The following SLC60A2 variants were observed in gnomAD, a reference collection of about 807,000 sequenced individuals.
SLC60A2 encodes major facilitator superfamily domain containing 4B.
the SLC60A2 span, among the ~76,000 whole-genome samples, chr6:111,274,432 A>G: frequency 6.6e-6 from 1 of 152,062 alleles, no homozygotes; most frequent in Admixed American, 6.6e-5. Context: ...ACAGTTGGGT[A>G]ATGGGGTTTT....
At chr6:111,269,105 C>G in the SLC60A2 span, 8 of 152,174 alleles carry the variant, frequency 5.3e-5, no homozygotes, top group Admixed American at 4.6e-4. Flanking sequence ...ACCTTATATG[C>G]CTGCCACAGT....
the SLC60A2 span, chr6:111,265,879 G>C: frequency 6.3e-7 from 1 of 1,596,626 alleles, no homozygotes; most frequent in Non-Finnish European, 8.5e-7. Context: ...TCGACAGGTG[G>C]TAACGTCCTT....
At chr6:111,273,121 TTGGTCAGAAAAGATTATATTG>T in the SLC60A2 span, among the ~76,000 whole-genome samples, 2 of 152,156 alleles carry the variant, frequency 1.3e-5, no homozygotes, top group African/African-American at 2.4e-5. Flanking sequence ...TGATTATATT[TTGGTCAGAAAAGATTATATTG>T]TGGTCAGAAA....
At chr6:111,267,826 AGAAATG>A in the SLC60A2 span, 5 of 152,222 alleles carry the variant, frequency 3.3e-5, no homozygotes, top group African/African-American at 1.2e-4. Context: ...GTCTCAAAAA[AGAAATG>A]GAGAGGTATT....
chr6:111,271,882 C>T, the SLC60A2 span, among the ~76,000 whole-genome samples: 1 of 144,314 alleles, frequency 6.9e-6, no homozygotes, highest in Non-Finnish European at 1.5e-5. Context: ...GCACGAGAAT[C>T]ACTTGAACTT....
chr6:111,275,030 C>T, the SLC60A2 span, among the ~76,000 whole-genome samples: 2 of 151,622 alleles, frequency 1.3e-5, no homozygotes, highest in Non-Finnish European at 2.9e-5. Flanking sequence ...TCAAGCAATC[C>T]ACTCACCTCA....
the SLC60A2 span, chr6:111,269,872 A>G: frequency 1.3e-5 from 2 of 152,252 alleles, no homozygotes; most frequent in African/African-American, 4.8e-5. Flanking sequence ...ATCAGTTCTT[A>G]GCTAAGTGTC....
the SLC60A2 span, chr6:111,278,480 T>A: frequency 1.3e-5 from 2 of 152,210 alleles, no homozygotes; most frequent in Admixed American, 6.5e-5. Flanking sequence ...AAATCTCATC[T>A]TGAATTCCCA....
At chr6:111,262,310 G>C in the SLC60A2 span, 1 of 1,614,164 alleles carries the variant, frequency 6.2e-7, no homozygotes, top group Non-Finnish European at 8.5e-7. Flanking sequence ...CAACAAACGT[G>C]AACCGAAATA....
At chr6:111,259,877 A>G in the SLC60A2 span, 1 of 493,874 alleles carries the variant, frequency 2.0e-6, no homozygotes, top group Non-Finnish European at 3.4e-6. Flanking sequence ...TGGAGGAAAT[A>G]GATTTTCTGA....
chr6:111,270,706 G>C, the SLC60A2 span: 1 of 152,300 alleles, frequency 6.6e-6, no homozygotes, highest in African/African-American at 2.4e-5. Flanking sequence ...CCGGGCGGGC[G>C]TGGTGGCGGG....
chr6:111,272,310 G>A, the SLC60A2 span, among the ~76,000 whole-genome samples: 1 of 151,970 alleles, frequency 6.6e-6, no homozygotes, highest in African/African-American at 2.4e-5. Context: ...GCCCACCTGT[G>A]ATATTTTGAT....
chr6:111,261,550 C>T, the SLC60A2 span, among the ~76,000 whole-genome samples: 7 of 152,220 alleles, frequency 4.6e-5, no homozygotes, highest in East Asian at 1.4e-3. Context: ...TTCCAGATTG[C>T]TGGGATTACA....
chr6:111,263,492 C>T, the SLC60A2 span, among the ~76,000 whole-genome samples: 1 of 151,718 alleles, frequency 6.6e-6, no homozygotes, highest in Non-Finnish European at 1.5e-5. Flanking sequence ...AATTTTTTGC[C>T]TCATGTCTAA....
At chr6:111,266,136 T>C in the SLC60A2 span, 2 of 1,613,680 alleles carry the variant, frequency 1.2e-6, no homozygotes, top group Non-Finnish European at 1.7e-6. Context: ...TATCGGTACT[T>C]ACATGTTCTT....
the SLC60A2 span, among the ~76,000 whole-genome samples, chr6:111,262,671 A>G: frequency 6.6e-6 from 1 of 152,138 alleles, no homozygotes; most frequent in Non-Finnish European, 1.5e-5. Flanking sequence ...TAGCCTTTCC[A>G]ACCACTATAA....
the SLC60A2 span, chr6:111,265,485 T>C: frequency 1.9e-5 from 12 of 633,670 alleles, no homozygotes; most frequent in Non-Finnish European, 2.4e-5. Context: ...ACAGAAAGCT[T>C]TGGTAATTTG....
the SLC60A2 span, among the ~76,000 whole-genome samples, chr6:111,272,394 G>C: frequency 2.6e-5 from 4 of 151,934 alleles, no homozygotes; most frequent in African/African-American, 9.7e-5. Context: ...TAATTTCTTT[G>C]TGTTAGGAAA....
At chr6:111,262,420 T>A in the SLC60A2 span, 2 of 1,611,354 alleles carry the variant, frequency 1.2e-6, no homozygotes, top group Non-Finnish European at 1.7e-6. Flanking sequence ...TATTTTTTAC[T>A]TTTGGGTAAG....
Sources: gnomAD v4.1 joint callset for allele counts (sites outside exome capture counted in the v4.1 genomes callset) on GRCh38, gnomAD v4.1.1 for gene constraint, MANE v1.5 for transcripts, NCBI Gene and HGNC (gene_info 2026-07-23, HGNC 2026-07-21) for gene names.